LRBA: variants seen among roughly 807,000 people sequenced by gnomAD.
LRBA encodes LPS responsive beige-like anchor protein, also known as lipopolysaccharide-responsive and beige-like anchor protein.
In LRBA, 176 loss-of-function variants were observed where a neutral mutation model predicts 330.0. The observed-to-expected ratio is 0.53, with a 90% CI of 0.47 to 0.60. LRBA has a LOEUF of 0.60. LRBA is among the 20% of genes least tolerant of loss of function. The pLI, the probability that LRBA is intolerant of heterozygous loss-of-function variation, is 0.00. For synonymous variants in LRBA, 1,230 were observed against 1,193.0 expected (o/e 1.03, Z -0.64); for missense variants, 3,259 against 3,444.8 (o/e 0.95, Z 1.35).
intron 46 of LRBA, among the ~76,000 whole-genome samples, chr4:150,416,880 T>C (rs1747843034): frequency 6.6e-6 from 1 of 152,052 alleles, no homozygotes; most frequent in African/African-American, 2.4e-5. Flanking sequence ...ATAAACCTTA[T>C]TACATTTAAT....
intron 44 of LRBA, among the ~76,000 whole-genome samples, chr4:150,442,688 G>GA (rs1751994275): frequency 1.3e-5 from 2 of 152,096 alleles, no homozygotes; most frequent in Non-Finnish European, 1.5e-5. Context: ...AAAGTAAGAG[G>GA]AAAAAACTAG....
At chr4:150,305,133 T>C (rs559210375) in intron 52 of LRBA, among the ~76,000 whole-genome samples, 73 of 152,214 alleles carry the variant, frequency 4.8e-4, no homozygotes, top group African/African-American at 1.6e-3. Flanking sequence ...GTAGACGACA[T>C]AGAGGAAACC....
chr4:150,561,101 T>C (rs1034514928), intron 40 of LRBA, among the ~76,000 whole-genome samples: 2 of 152,226 alleles, frequency 1.3e-5, no homozygotes, highest in Non-Finnish European at 1.5e-5. Flanking sequence ...AGAACATTAT[T>C]GTCACAAGTT....
chr4:150,450,256 C>T (rs1753182671), intron 44 of LRBA, among the ~76,000 whole-genome samples: 1 of 152,176 alleles, frequency 6.6e-6, no homozygotes, highest in Non-Finnish European at 1.5e-5. Flanking sequence ...AGTGTATGCA[C>T]TGTATTAGTT....
intron 28 of LRBA, among the ~76,000 whole-genome samples, chr4:150,833,440 A>G (rs1384649494): frequency 6.6e-6 from 1 of 152,142 alleles, no homozygotes; most frequent in Non-Finnish European, 1.5e-5. Context: ...CAGGCATACC[A>G]TGGAGATACC....
At chr4:150,494,456 C>G (rs1759328203) in intron 40 of LRBA, among the ~76,000 whole-genome samples, 1 of 152,206 alleles carries the variant, frequency 6.6e-6, no homozygotes, top group African/African-American at 2.4e-5. Flanking sequence ...AGTGAATCCA[C>G]TCATTGCAAA....
At chr4:150,457,917 T>A (rs750216058) in intron 44 of LRBA, among the ~76,000 whole-genome samples, 2 of 151,944 alleles carry the variant, frequency 1.3e-5, no homozygotes, top group Non-Finnish European at 2.9e-5. Context: ...TAACTTAGCA[T>A]GATTAGAGAA....
intron 41 of LRBA, among the ~76,000 whole-genome samples, chr4:150,488,088 C>T (rs1758105944): frequency 6.6e-6 from 1 of 151,280 alleles, no homozygotes; most frequent in Non-Finnish European, 1.5e-5. Context: ...GTTGATGTTG[C>T]ATTGATATGA....
chr4:150,916,682 A>G lies in LRBA; in HGVS notation c.702T>C (p.His234=). The G allele has an allele frequency of 6.3e-7, 1 of 1,599,740 alleles. No individual in the cohort carries two copies. Among genetic ancestry groups the G allele is most frequent in the Middle Eastern group, 1.7e-4 (1 of 5,982 alleles). ...KWPYQNGFTF[H]TWLRMDPVNN... is the part of the protein sequence containing the mutation. ...TTACAGGATCCATTCTAAGCCATGTATGAAATGTAAAACCATTCTGGTATG... is the reference window on the plus strand; with the variant it reads ...TTACAGGATCCATTCTAAGCCATGTGTGAAATGTAAAACCATTCTGGTATG... The change falls in exon 6 of 57, where the codon CAT becomes CAC. Residue 234 remains histidine, a synonymous_variant. Coordinates refer to ENST00000651943, the MANE Select transcript of LRBA (RefSeq NM_001364905.1).
chr4:150,897,663 A>T (rs1730241757), intron 15 of LRBA, 76 bp downstream of exon 15: 1 of 1,037,776 alleles, frequency 9.6e-7, no homozygotes, highest in Admixed American at 2.1e-5. Context: ...AAGAATAAAA[A>T]AACCAAGATT....
At chr4:150,684,324 T>C (rs961823380) in intron 36 of LRBA, among the ~76,000 whole-genome samples, 14 of 152,182 alleles carry the variant, frequency 9.2e-5, no homozygotes, top group Non-Finnish European at 1.5e-4. Context: ...TAAATTGAGC[T>C]AGTTCTAAAT....
intron 22 of LRBA, among the ~76,000 whole-genome samples, chr4:150,855,270 A>G (rs1461334366): frequency 1.3e-5 from 2 of 152,212 alleles, no homozygotes; most frequent in African/African-American, 4.8e-5. Flanking sequence ...CTCCAAAAAA[A>G]TAAGACTGGT....
intron 34 of LRBA, among the ~76,000 whole-genome samples, chr4:150,795,666 G>A (rs1740675036): frequency 6.6e-6 from 1 of 151,842 alleles, no homozygotes; most frequent in South Asian, 2.1e-4. Flanking sequence ...ATGAAATGGT[G>A]CCTAATCAAC....
At chr4:150,344,637 A>G (rs1736029623) in intron 48 of LRBA, among the ~76,000 whole-genome samples, 1 of 152,150 alleles carries the variant, frequency 6.6e-6, no homozygotes, top group Non-Finnish European at 1.5e-5. Flanking sequence ...TCATAGCTCA[A>G]TGCAGCCTCC....
rs902421554 is a variant in LRBA at position 150,373,172 on chromosome 4, T to TGA, written c.7195-23015_7195-23014dup. Among the ~76,000 whole-genome samples the TGA allele has an allele frequency of 7.3e-3, 710 of 97,434 alleles. 11 individuals are homozygous for TGA. Among genetic ancestry groups the TGA allele is most frequent in the African/African-American group, 0.017 (384 of 22,666 alleles). 63.9% of individuals were successfully genotyped at this position (97,434 alleles called of 152,430 possible). ...GTGTGTGTGTGTGTGTGTGTGTGTGTGAGAGAGAGAGAGAGAGAGAGAGAG... is the reference window on the plus strand; with the variant it reads ...GTGTGTGTGTGTGTGTGTGTGTGTGTGAGAGAGAGAGAGAGAGAGAGAGAGAG... On this transcript the variant is annotated intron_variant, in intron 47 of 56. Coordinates refer to ENST00000651943, the MANE Select transcript of LRBA (RefSeq NM_001364905.1).
chr4:150,500,008 T>C (rs2152116538), intron 40 of LRBA, among the ~76,000 whole-genome samples: 1 of 152,186 alleles, frequency 6.6e-6, no homozygotes, highest in South Asian at 2.1e-4. Flanking sequence ...AGATACAAAA[T>C]TACAGTTAGA....
rs193087069 is a variant in LRBA, at chr4:150,798,320, C to T, written c.5519-178G>A. Among the ~76,000 whole-genome samples the T allele has an allele frequency of 5.9e-5, 9 of 152,264 alleles. No individual in the cohort carries two copies. In the East Asian group the frequency reaches 1.7e-3, roughly 29 times the overall value. ...TCAAAGCTGGCTTCAAAACTACCAC[C>T]ATTTTTGTAAAGTATTTCATTTCAG... On this transcript the variant is annotated intron_variant, in intron 33 of 56. Transcript: ENST00000651943.
chr4:150,647,636 C>T (rs928144773), intron 37 of LRBA, among the ~76,000 whole-genome samples: 1 of 151,850 alleles, frequency 6.6e-6, no homozygotes, highest in African/African-American at 2.4e-5. Context: ...TGGGCTCAAG[C>T]AATTTTCCCA....
intron 24 of LRBA, among the ~76,000 whole-genome samples, chr4:150,850,256 G>T (rs1473946240): frequency 2.0e-5 from 3 of 151,936 alleles, no homozygotes; most frequent in African/African-American, 7.3e-5. Context: ...ACCACTCCCA[G>T]CTAATTTTTT....
Sources: allele counts gnomAD v4.1 joint callset (sites outside exome capture counted in the v4.1 genomes callset), GRCh38; gene constraint gnomAD v4.1.1; transcripts MANE v1.5; gene names NCBI Gene and HGNC (gene_info 2026-07-23, HGNC 2026-07-21).